The following MAP2K1 variants were observed in gnomAD, a reference collection of about 807,000 sequenced individuals.
MAP2K1 encodes mitogen-activated protein kinase kinase 1, also known as dual specificity mitogen-activated protein kinase kinase 1.
MAP2K1 carries 16 observed loss-of-function variants against 46.3 expected under a neutral mutation model. The ratio of observed to expected loss-of-function variants is 0.35; its 90% CI spans 0.23 to 0.52. The LOEUF is 0.52. MAP2K1 is among the 20% of genes least tolerant of loss of function. MAP2K1 has a pLI of 0.94. For missense variants in MAP2K1, 263 were observed against 497.1 expected, an observed-to-expected ratio of 0.53 and a Z score of 4.48; for synonymous variants, 183 against 185.6, an observed-to-expected ratio of 0.99 and a Z score of 0.11.
chr15:66,405,497 A>AT (rs1249888600), intron 1 of MAP2K1, among the ~76,000 whole-genome samples: 2 of 152,092 alleles, frequency 1.3e-5, no homozygotes, highest in East Asian at 1.9e-4. Flanking sequence ...CCTTTATTTA[A>AT]TTTTTTCCCC....
chr15:66,468,059 A>G (rs1892510090), intron 5 of MAP2K1, among the ~76,000 whole-genome samples: 1 of 152,260 alleles, frequency 6.6e-6, no homozygotes, highest in Admixed American at 6.5e-5. Context: ...TAGCTTATCT[A>G]TCAAAGATTT....
chr15:66,414,433 C>G (rs1040515190), intron 1 of MAP2K1, among the ~76,000 whole-genome samples: 4 of 152,178 alleles, frequency 2.6e-5, no homozygotes, highest in Admixed American at 2.0e-4. Flanking sequence ...AAATCAGGAG[C>G]AGCCAAAAGA....
At chr15:66,484,193 G>C (rs943206332) in intron 6 of MAP2K1, among the ~76,000 whole-genome samples, 1 of 151,064 alleles carries the variant, frequency 6.6e-6, no homozygotes, top group Admixed American at 6.6e-5. Flanking sequence ...TCTTGCCCAG[G>C]CTGGAGTGCA....
chr15:66,397,981 G>A (rs2140522742), intron 1 of MAP2K1, among the ~76,000 whole-genome samples: 1 of 152,128 alleles, frequency 6.6e-6, no homozygotes, highest in South Asian at 2.1e-4. Flanking sequence ...ACGTGCCTGT[G>A]GTCCTAGCTA....
At chr15:66,477,836 GCGCT>G (rs1171807454) in intron 5 of MAP2K1, among the ~76,000 whole-genome samples, 2 of 152,122 alleles carry the variant, frequency 1.3e-5, no homozygotes, top group Non-Finnish European at 2.9e-5. Context: ...GCCCCAGCAG[GCGCT>G]GTCACACCCC....
chr15:66,477,053 C>T (rs1181903363), intron 5 of MAP2K1, among the ~76,000 whole-genome samples: 2 of 152,130 alleles, frequency 1.3e-5, no homozygotes, highest in African/African-American at 2.4e-5. Context: ...GGATCTGGCT[C>T]CCAGGACCAA....
intron 6 of MAP2K1, among the ~76,000 whole-genome samples, chr15:66,484,763 C>T (rs988304472): frequency 6.6e-6 from 1 of 152,112 alleles, no homozygotes; most frequent in Admixed American, 6.5e-5. Flanking sequence ...TCAATTTAGG[C>T]CAGATTATAG....
chr15:66,467,554 T>G (rs1892498671), intron 5 of MAP2K1, among the ~76,000 whole-genome samples: 1 of 152,150 alleles, frequency 6.6e-6, no homozygotes, highest in Admixed American at 6.6e-5. Flanking sequence ...TTTCAATATT[T>G]ACAGAAGCAA....
chr15:66,407,644 G>A (rs2093400905), intron 1 of MAP2K1, among the ~76,000 whole-genome samples: 1 of 152,178 alleles, frequency 6.6e-6, no homozygotes, highest in Non-Finnish European at 1.5e-5. Flanking sequence ...AAGAAATCTT[G>A]GTTGTCTTCT....
At chr15:66,460,938 C>A (rs780375629) in intron 5 of MAP2K1, among the ~76,000 whole-genome samples, 10 of 152,076 alleles carry the variant, frequency 6.6e-5, no homozygotes, top group Non-Finnish European at 1.3e-4. Context: ...GCCTGAGGCC[C>A]ATGGCCGTGC....
Position 66,387,022 on chromosome 15 carries a change from G to A in MAP2K1, c.-326G>A. The A allele has an allele frequency of 3.2e-6, 1 of 314,236 alleles. No individual in the cohort carries two copies. Among genetic ancestry groups the A allele is most frequent in the Non-Finnish European group, 5.8e-6 (1 of 172,992 alleles). The allele number at this position is 314,236 out of a possible 1,614,324, so 19.5% of individuals were successfully genotyped here. On this transcript the variant is annotated 5_prime_UTR_variant, in exon 1 of 11. Coordinates refer to ENST00000307102, the MANE Select transcript of MAP2K1 (RefSeq NM_002755.4). ...GTGCGCGCGCGGCTGTGCCGCCCGA[G>A]CCGGAGGGACTGGTTGGTTGAGAGA...
chr15:66,405,675 C>G (rs1175829212), intron 1 of MAP2K1, among the ~76,000 whole-genome samples: 1 of 152,226 alleles, frequency 6.6e-6, no homozygotes, highest in Admixed American at 6.5e-5. Context: ...AATGGAGTGA[C>G]TCCGCTACTC....
intron 5 of MAP2K1, among the ~76,000 whole-genome samples, chr15:66,449,426 T>C (rs564452114): frequency 4.6e-5 from 7 of 152,300 alleles, no homozygotes; most frequent in East Asian, 3.9e-4. Context: ...CAGTAACATA[T>C]AGCAGATGAG....
chr15:66,459,238 G>C (rs557611340), intron 5 of MAP2K1, among the ~76,000 whole-genome samples: 1 of 150,882 alleles, frequency 6.6e-6, no homozygotes, highest in African/African-American at 2.4e-5. Context: ...GCTTGAACCC[G>C]GGAGTCTGAG....
At chr15:66,446,268 A>G (rs559280408) in intron 5 of MAP2K1, among the ~76,000 whole-genome samples, 52 of 151,938 alleles carry the variant, frequency 3.4e-4, no homozygotes, top group African/African-American at 1.2e-3. Context: ...ATGAAACCCT[A>G]TCTCTACTAA....
chr15:66,400,896 C>G (rs2093380045), intron 1 of MAP2K1, among the ~76,000 whole-genome samples: 1 of 152,024 alleles, frequency 6.6e-6, no homozygotes, highest in African/African-American at 2.4e-5. Context: ...ACCTTGAGCC[C>G]CTCCCTTTGA....
intron 1 of MAP2K1, among the ~76,000 whole-genome samples, chr15:66,394,414 T>C (rs1566994137): frequency 6.6e-6 from 1 of 151,878 alleles, no homozygotes; most frequent in Non-Finnish European, 1.5e-5. Flanking sequence ...TTTTTTTGTC[T>C]CTTATGGCTC....
intron 1 of MAP2K1, among the ~76,000 whole-genome samples, chr15:66,411,603 C>G (rs2093411389): frequency 6.6e-6 from 1 of 152,132 alleles, no homozygotes; most frequent in African/African-American, 2.4e-5. Flanking sequence ...TTCCCTGCAG[C>G]TAATAACTCA....
chr15:66,420,721 A>ATATGTG lies in MAP2K1; in HGVS notation c.81-14305_81-14304insATGTGT, dbSNP rs1461381065. Among the ~76,000 whole-genome samples, 9 of 29,684 alleles carry ATATGTG rather than the reference A, an allele frequency of 3.0e-4. 3 individuals are homozygous for ATATGTG. Among genetic ancestry groups the ATATGTG allele is most frequent in the African/African-American group, 9.4e-4 (8 of 8,500 alleles). 19.5% of individuals were successfully genotyped at this position (29,684 alleles called of 152,430 possible). On this transcript the variant is annotated intron_variant, in intron 1 of 10. Coordinates refer to ENST00000307102, the MANE Select transcript of MAP2K1 (RefSeq NM_002755.4). Reference sequence around the variant, plus strand: ...TTACTCTTGGCATATATATATATATATGTGTGTGTGTGTGTGTGTGTGTGT... The same window carrying ATATGTG: ...TTACTCTTGGCATATATATATATATATATGTGTGTGTGTGTGTGTGTGTGTGTGTGT...
Sources: allele counts gnomAD v4.1 joint callset (sites outside exome capture counted in the v4.1 genomes callset), GRCh38; gene constraint gnomAD v4.1.1; transcripts MANE v1.5; gene names NCBI Gene and HGNC (gene_info 2026-07-23, HGNC 2026-07-21).